Variants in HEPACAM2 observed in about 807,000 individuals in gnomAD.
HEPACAM2 encodes the protein mitotic kinetics regulator.
HEPACAM2 carries 49 observed loss-of-function variants against 49.6 expected under a neutral mutation model. The ratio of observed to expected loss-of-function variants is 0.99; its 90% CI spans 0.78 to 1.25. HEPACAM2 has a LOEUF of 1.25. Ranked by LOEUF, HEPACAM2 falls within the 50% of genes most tolerant of loss-of-function variation. The pLI, the probability that HEPACAM2 is intolerant of heterozygous loss-of-function variation, is 0.00. For missense variants in HEPACAM2, 525 were observed against 557.2 expected (o/e 0.94, Z 0.58); for synonymous variants, 197 against 202.9 (o/e 0.97, Z 0.25).
rs796231044 is a variant in HEPACAM2, at chr7:93,215,685, T to G, written c.431A>C (p.Asp144Ala). 2.5e-6 allele frequency: 4 copies of G among 1,612,304 alleles called. No homozygotes were observed. The highest frequency in any genetic ancestry group is 3.4e-6 in the Non-Finnish European group (4 of 1,178,784). ...ASQKIQVTVD[D>A]PVTKPVVQIH... ...CTGCACCACTGGCTTTGTGACAGGA[T>G]CTGCAATATTAAGAGAGATATGAAT... The change falls in exon 3 of 10, where the codon GAT becomes GCT. Residue 144 changes from aspartate to alanine, a missense_variant and splice_region_variant. Physicochemically the swap from Asp to Ala is moderately radical, Grantham distance 126. Coordinates refer to ENST00000394468, the MANE Select transcript of HEPACAM2 (RefSeq NM_001039372.4).
At chr7:93,228,931 CTCAAA>C (rs1349549150), upstream of HEPACAM2, among the ~76,000 whole-genome samples, 1 of 151,950 alleles carries the variant, frequency 6.6e-6, no homozygotes, top group African/African-American at 2.4e-5. Flanking sequence ...TTTATTACCT[CTCAAA>C]TCACACTACA....
intron 8 of HEPACAM2, among the ~76,000 whole-genome samples, chr7:93,194,592 G>A (rs946393420): frequency 3.9e-5 from 6 of 152,046 alleles, no homozygotes; most frequent in African/African-American, 1.4e-4. Flanking sequence ...AATCCAATCA[G>A]TCCCTCTCCA....
intron 4 of HEPACAM2, among the ~76,000 whole-genome samples, chr7:93,207,419 A>ACC (rs1794057067): frequency 6.6e-6 from 1 of 151,970 alleles, no homozygotes; most frequent in African/African-American, 2.4e-5. Flanking sequence ...AGAAGTAGTC[A>ACC]TAGAAGAGGA....
At chr7:93,206,617 T>C (rs2116675602) in intron 4 of HEPACAM2, among the ~76,000 whole-genome samples, 1 of 152,080 alleles carries the variant, frequency 6.6e-6, no homozygotes, top group East Asian at 1.9e-4. Context: ...ACATTCAAAT[T>C]AAAATTAATA....
intron 4 of HEPACAM2, among the ~76,000 whole-genome samples, chr7:93,204,622 A>G (rs1217161320): frequency 6.6e-6 from 1 of 152,170 alleles, no homozygotes. Flanking sequence ...CACATTGTAG[A>G]CAAACCAGAG....
chr7:93,226,037 G>T, intron 1 of HEPACAM2: 1 of 607,904 alleles, frequency 1.6e-6, no homozygotes. Context: ...TAGAATATTT[G>T]CTGAAATAAA....
chr7:93,191,147 A>C (rs767422982), intron 9 of HEPACAM2, among the ~76,000 whole-genome samples: 5 of 152,054 alleles, frequency 3.3e-5, no homozygotes, highest in Non-Finnish European at 7.4e-5. Flanking sequence ...TTTTATTCTT[A>C]AAATATCATG....
intron 9 of HEPACAM2, among the ~76,000 whole-genome samples, chr7:93,191,300 T>C (rs887248041): frequency 6.6e-6 from 1 of 152,090 alleles, no homozygotes; most frequent in Non-Finnish European, 1.5e-5. Context: ...TGAGGTTCTC[T>C]GAAGTATCTT....
intron 4 of HEPACAM2, chr7:93,205,550 G>A (rs1206098581): frequency 6.6e-6 from 1 of 152,062 alleles, no homozygotes; most frequent in East Asian, 1.9e-4. Context: ...TTTGGTTCTG[G>A]AAACATCTCA....
chr7:93,202,031 C>CCAAAAAAAAAAAAAAA (rs1793901462), intron 4 of HEPACAM2, among the ~76,000 whole-genome samples: 1 of 22,760 alleles, frequency 4.4e-5, no homozygotes, highest in African/African-American at 2.1e-4. Flanking sequence ...AAAAAAAAAA[C>CCAAAAAAAAAAAAAAA]CAAAAAAAAA....
intron 9 of HEPACAM2, among the ~76,000 whole-genome samples, chr7:93,190,193 A>C (rs969035911): frequency 2.0e-5 from 3 of 152,208 alleles, no homozygotes; most frequent in African/African-American, 7.2e-5. Context: ...AGAAAAAGGA[A>C]GCATTTCACT....
At chr7:93,201,223 T>C (rs1793874190) in intron 4 of HEPACAM2, among the ~76,000 whole-genome samples, 5 of 152,148 alleles carry the variant, frequency 3.3e-5, no homozygotes, top group Admixed American at 3.3e-4. Flanking sequence ...TTCATCTATT[T>C]AATTAAAACC....
chr7:93,197,175 T>G, intron 7 of HEPACAM2, 66 bp downstream of exon 7: 10 of 1,059,560 alleles, frequency 9.4e-6, no homozygotes, highest in Non-Finnish European at 1.2e-5. Context: ...TAATATATAA[T>G]AATATTAACA....
intron 8 of HEPACAM2, among the ~76,000 whole-genome samples, chr7:93,193,363 G>T (rs901674074): frequency 2.0e-5 from 3 of 152,194 alleles, no homozygotes; most frequent in African/African-American, 7.2e-5. Flanking sequence ...ATCTATCCTT[G>T]AGATCAGCTC....
chr7:93,225,869 G>T (rs899934980), intron 1 of HEPACAM2: 4 of 1,269,042 alleles, frequency 3.2e-6, no homozygotes, highest in Admixed American at 5.4e-5. Context: ...TTTTTTGTTA[G>T]TTTGGAATCT....
chr7:93,220,632 G>C (rs1794430378), intron 1 of HEPACAM2, among the ~76,000 whole-genome samples: 2 of 152,206 alleles, frequency 1.3e-5, no homozygotes, highest in Non-Finnish European at 2.9e-5. Context: ...ATTTAAGAGA[G>C]AATGAGGGGC....
upstream of HEPACAM2, chr7:93,226,646 A>C (rs1393874190): frequency 2.5e-6 from 1 of 406,328 alleles, no homozygotes; most frequent in Non-Finnish European, 4.4e-6. Context: ...TATGGCTTTC[A>C]GAAGAGTTTC....
intron 1 of HEPACAM2, among the ~76,000 whole-genome samples, chr7:93,223,879 G>A (rs575298226): frequency 6.6e-6 from 1 of 152,160 alleles, no homozygotes; most frequent in African/African-American, 2.4e-5. Context: ...GTGAAATTTG[G>A]GAATAAACAG....
At chr7:93,202,305 C>T (rs1793916103) in intron 4 of HEPACAM2, among the ~76,000 whole-genome samples, 1 of 151,432 alleles carries the variant, frequency 6.6e-6, no homozygotes, top group South Asian at 2.1e-4. Context: ...AATTTGTTTT[C>T]CATTTACAAA....
Sources: allele counts gnomAD v4.1 joint callset (sites outside exome capture counted in the v4.1 genomes callset), GRCh38; gene constraint gnomAD v4.1.1; transcripts MANE v1.5; gene names NCBI Gene and HGNC (gene_info 2026-07-23, HGNC 2026-07-21).